WNT2: variants seen among roughly 807,000 people sequenced by gnomAD.
WNT2 encodes Wnt family member 2.
A neutral mutation model predicts 36.9 loss-of-function variants in WNT2; 12 were observed. The ratio of observed to expected loss-of-function variants is 0.33; its 90% confidence interval spans 0.21 to 0.53. The LOEUF is 0.53. Among genes scored for constraint, WNT2 ranks in the 20% least tolerant of loss-of-function variants. The probability of loss-of-function intolerance (pLI) is 0.95; values close to 1 mark genes in which losing one functional copy is unlikely to be tolerated. For synonymous variants in WNT2, 163 were observed against 174.6 expected (o/e 0.93, Z 0.52); for missense variants, 379 against 473.1 (o/e 0.80, Z 1.84).
chr7:117,285,774 GT>G (rs1462160429), intron 4 of WNT2, among the ~76,000 whole-genome samples: 1 of 152,170 alleles, frequency 6.6e-6, no homozygotes, highest in African/African-American at 2.4e-5. Flanking sequence ...TCTTATTGCA[GT>G]TTGATTTACA....
intron 4 of WNT2, among the ~76,000 whole-genome samples, chr7:117,282,328 A>G (rs1049830748): frequency 4.6e-5 from 7 of 151,716 alleles, no homozygotes; most frequent in Non-Finnish European, 7.4e-5. Flanking sequence ...CAATAACAAG[A>G]AGAAGGTGGT....
At chr7:117,302,451 A>T (rs76214397) in intron 3 of WNT2, among the ~76,000 whole-genome samples, 2,027 of 152,280 alleles carry the variant, frequency 0.013, 38 homozygotes, top group African/African-American at 0.04. Flanking sequence ...AGGGGAAGAG[A>T]TGCTTTAACA....
At chr7:117,321,552 T>C (rs750296882) in intron 1 of WNT2, among the ~76,000 whole-genome samples, 1 of 152,212 alleles carries the variant, frequency 6.6e-6, no homozygotes, top group Non-Finnish European at 1.5e-5. Context: ...TCGTGAAATG[T>C]TTAGAAAGGT....
At chr7:117,280,077 G>A (rs898204789) in intron 4 of WNT2, among the ~76,000 whole-genome samples, 3 of 152,018 alleles carry the variant, frequency 2.0e-5, no homozygotes, top group Non-Finnish European at 1.5e-5. Context: ...GTGGGGCAGC[G>A]TTTGGTCAGA....
rs369709491 is a variant in WNT2 at position 117,322,867 on chromosome 7, C to A, written c.83+40G>T. The A allele has an allele frequency of 6.3e-7, 1 of 1,591,030 alleles. No homozygotes were observed. Among genetic ancestry groups the A allele is most frequent in the African/African-American group, 1.5e-5 (1 of 67,604 alleles). On this transcript the variant is annotated intron_variant, in intron 1 of 4. Transcript: ENST00000265441. The surrounding 1 kb of genome is among the most constrained non-coding windows in gnomAD (Gnocchi z 5.4). ...TATGTGGCCAATGCGGTCCCCATTC[C>A]GATCTCCAAAATCCCCCGCGCCCGT...
At chr7:117,300,656 C>T (rs907864444) in intron 3 of WNT2, among the ~76,000 whole-genome samples, 4 of 152,006 alleles carry the variant, frequency 2.6e-5, no homozygotes, top group East Asian at 1.9e-4. Flanking sequence ...AAAAACTAGC[C>T]GGAGGTGGTG....
intron 3 of WNT2, among the ~76,000 whole-genome samples, chr7:117,300,626 CCT>C (rs1191678584): frequency 1.3e-5 from 2 of 151,990 alleles, no homozygotes; most frequent in African/African-American, 2.4e-5. Context: ...ACAGTGAGAC[CCT>C]GTTTCTACAA....
intron 4 of WNT2, among the ~76,000 whole-genome samples, chr7:117,297,313 G>A (rs1421367487): frequency 1.3e-5 from 2 of 151,992 alleles, no homozygotes; most frequent in Non-Finnish European, 1.5e-5. Context: ...CTGAGTAGCT[G>A]GACCACAGAT....
At chr7:117,279,024 T>G (rs1794433196) in intron 4 of WNT2, among the ~76,000 whole-genome samples, 1 of 152,152 alleles carries the variant, frequency 6.6e-6, no homozygotes. Flanking sequence ...GCAGGACATA[T>G]AGATGTGTGT....
At chr7:117,302,283 G>T (rs1434146864) in intron 3 of WNT2, among the ~76,000 whole-genome samples, 3 of 152,002 alleles carry the variant, frequency 2.0e-5, no homozygotes, top group South Asian at 2.1e-4. Flanking sequence ...AGGACAAAAA[G>T]GTGTTCGACT....
intron 4 of WNT2, among the ~76,000 whole-genome samples, chr7:117,281,185 A>T (rs920517902): frequency 6.6e-6 from 1 of 152,174 alleles, no homozygotes; most frequent in African/African-American, 2.4e-5. Flanking sequence ...GCTATTAGGG[A>T]CAATGAGCAT....
rs372645325 is a variant in WNT2 at position 117,278,134 on chromosome 7, G to A, written c.*21C>T. 3.6e-4 allele frequency: 578 copies of A among 1,612,560 alleles called. No homozygotes were observed. Among genetic ancestry groups the A allele is most frequent in the Non-Finnish European group, 4.6e-4 (545 of 1,178,814 alleles). ...ATGGAGTCCTTGTAGAAGGGAAGGTGGATGGTGACGCCTGCTGGGGTCATG... is the reference window on the plus strand; with the variant it reads ...ATGGAGTCCTTGTAGAAGGGAAGGTAGATGGTGACGCCTGCTGGGGTCATG... On this transcript the variant is annotated 3_prime_UTR_variant, in exon 5 of 5. Transcript: ENST00000265441.
chr7:117,306,623 A>G (rs1215266309), intron 3 of WNT2, among the ~76,000 whole-genome samples: 2 of 151,714 alleles, frequency 1.3e-5, no homozygotes, highest in African/African-American at 4.8e-5. Flanking sequence ...TCAAGATTCC[A>G]TTTTCAGCCT....
At chr7:117,307,350 T>A (rs1281706472) in intron 3 of WNT2, among the ~76,000 whole-genome samples, 2 of 152,212 alleles carry the variant, frequency 1.3e-5, no homozygotes, top group African/African-American at 4.8e-5. Context: ...ATTTTATAGA[T>A]AAGAATATTG....
chr7:117,285,501 T>G (rs1016750027), intron 4 of WNT2, among the ~76,000 whole-genome samples: 1 of 152,198 alleles, frequency 6.6e-6, no homozygotes, highest in African/African-American at 2.4e-5. Flanking sequence ...TCTTCATACT[T>G]CATTTGAAGA....
intron 4 of WNT2, among the ~76,000 whole-genome samples, chr7:117,286,359 C>T (rs117383093): frequency 0.031 from 4,705 of 152,034 alleles, 113 homozygotes; most frequent in African/African-American, 0.029. Flanking sequence ...GTTCCCAGAC[C>T]CATACCTCTG....
At chr7:117,313,699 C>A (rs1218736994) in intron 3 of WNT2, among the ~76,000 whole-genome samples, 1 of 152,194 alleles carries the variant, frequency 6.6e-6, no homozygotes, top group Non-Finnish European at 1.5e-5. Context: ...ATAACTTATA[C>A]ATGTACTATC....
rs931891461 is a variant in WNT2 at position 117,276,410 on chromosome 7, G to A, written c.*1745C>T. ...TCAGAGCAGCTACTGTCATTCCACT[G>A]TTCCCACCATCCGAATCCATAGAAT... On this transcript the variant is annotated 3_prime_UTR_variant, in exon 5 of 5. Transcript: ENST00000265441. 2.0e-5 allele frequency among the ~76,000 whole-genome samples: 3 copies of A among 152,160 alleles called. No homozygotes were observed. Among genetic ancestry groups the A allele is most frequent in the Admixed American group, 2.0e-4 (3 of 15,274 alleles).
chr7:117,310,211 C>T (rs1795094393), intron 3 of WNT2, among the ~76,000 whole-genome samples: 1 of 152,130 alleles, frequency 6.6e-6, no homozygotes, highest in African/African-American at 2.4e-5. Flanking sequence ...CTTTCTCTCC[C>T]ACTGTTCAAT....
Sources: gnomAD v4.1 joint callset for allele counts (sites outside exome capture counted in the v4.1 genomes callset) on GRCh38, gnomAD v4.1.1 for gene constraint, Gnocchi (gnomAD v3.1) non-coding constraint, MANE v1.5 for transcripts, NCBI Gene and HGNC (gene_info 2026-07-23, HGNC 2026-07-21) for gene names.